Variants in EXOC4 observed in about 807,000 individuals in gnomAD.
EXOC4 encodes SEC8-like 1.
In EXOC4, 71 loss-of-function variants were observed where a neutral mutation model predicts 107.2. The ratio of observed to expected loss-of-function variants is 0.66; its 90% CI spans 0.55 to 0.81. The LOEUF (loss-of-function observed/expected upper bound fraction) is 0.81. Ranked by LOEUF, EXOC4 falls within the 30% of genes least tolerant of loss-of-function variation. The probability of loss-of-function intolerance (pLI) is 0.00; values close to 1 mark genes in which losing one functional copy is unlikely to be tolerated. For missense variants in EXOC4, 1,108 were observed against 1,189.6 expected (o/e 0.93, Z 1.01); for synonymous variants, 456 against 441.2 (o/e 1.03, Z -0.42).
At chr7:134,087,707 G>T in the EXOC4 span, among the ~76,000 whole-genome samples, 1 of 152,110 alleles carries the variant, frequency 6.6e-6, no homozygotes, top group African/African-American at 2.4e-5. Flanking sequence ...ACAGGGATAA[G>T]CAGGATTAGT....
chr7:133,980,626 A>G (rs1289975065), intron 14 of EXOC4, among the ~76,000 whole-genome samples: 1 of 152,270 alleles, frequency 6.6e-6, no homozygotes, highest in East Asian at 1.9e-4. Flanking sequence ...GAATACTCAT[A>G]TCCTTTTACT....
intron 11 of EXOC4, among the ~76,000 whole-genome samples, chr7:133,870,503 A>G (rs1174573799): frequency 3.3e-5 from 5 of 152,202 alleles, no homozygotes; most frequent in Non-Finnish European, 4.4e-5. Flanking sequence ...AGCTTTTTGC[A>G]TAATTGGTTT....
chr7:133,973,970 C>T (rs1282662105), intron 14 of EXOC4, among the ~76,000 whole-genome samples: 2 of 152,158 alleles, frequency 1.3e-5, no homozygotes, highest in Non-Finnish European at 2.9e-5. Context: ...AGGGACGGGG[C>T]CGCAAACTCA....
intron 9 of EXOC4, among the ~76,000 whole-genome samples, chr7:133,492,976 TG>T (rs61589369): frequency 1 from 152,216 of 152,216 alleles, 76,108 homozygotes; most frequent in Non-Finnish European, 1. Flanking sequence ...TTCGGAGTGG[TG>T]GGTCTCTGGA....
intron 9 of EXOC4, among the ~76,000 whole-genome samples, chr7:133,618,065 A>G (rs1410425867): frequency 6.6e-6 from 1 of 152,190 alleles, no homozygotes; most frequent in Non-Finnish European, 1.5e-5. Context: ...CCAGATCAGC[A>G]AAGACTTCCA....
At chr7:133,385,845 A>G (rs941549142) in intron 7 of EXOC4, among the ~76,000 whole-genome samples, 2 of 152,212 alleles carry the variant, frequency 1.3e-5, no homozygotes, top group Non-Finnish European at 2.9e-5. Flanking sequence ...AGAATCCGTG[A>G]TAACTTTCAA....
At chr7:133,462,254 T>C (rs909236509) in intron 7 of EXOC4, among the ~76,000 whole-genome samples, 4 of 152,330 alleles carry the variant, frequency 2.6e-5, no homozygotes, top group Non-Finnish European at 4.4e-5. Flanking sequence ...TTTAGAGATA[T>C]ATGCTACTCA....
intron 10 of EXOC4, among the ~76,000 whole-genome samples, chr7:133,716,558 A>G (rs951295072): frequency 2.0e-4 from 31 of 152,228 alleles, no homozygotes; most frequent in Admixed American, 6.5e-4. Context: ...GTCTCCTGTC[A>G]TGACATATAG....
At position 133,538,729 on chromosome 7, in the gene EXOC4, G is replaced by A. The variant is rs10275821; in HGVS notation, c.1417+58591G>A. On this transcript the variant is annotated intron_variant, in intron 9 of 17. Coordinates refer to ENST00000253861, the MANE Select transcript of EXOC4 (RefSeq NM_021807.4). ...GTCTGTACCCCTAGATAGCCGGGAG[G>A]CTGAGGGAGGAGAATTATTTGACCC... Among the ~76,000 whole-genome samples, 191 of 152,198 alleles carry A rather than the reference G, an allele frequency of 1.3e-3. 1 individual carries two copies. The highest frequency in any genetic ancestry group is 4.4e-3 in the African/African-American group (184 of 41,540).
chr7:133,272,510 C>T (rs1469619324), intron 1 of EXOC4, among the ~76,000 whole-genome samples: 2 of 152,026 alleles, frequency 1.3e-5, no homozygotes, highest in Admixed American at 1.3e-4. Flanking sequence ...ACAGCTGGCT[C>T]CTGGCAGCTA....
chr7:133,729,977 A>G (rs1795292452), intron 10 of EXOC4, among the ~76,000 whole-genome samples: 1 of 151,830 alleles, frequency 6.6e-6, no homozygotes, highest in South Asian at 2.1e-4. Context: ...GACCTTTAGA[A>G]ATTAAATGTT....
intron 17 of EXOC4, among the ~76,000 whole-genome samples, chr7:134,027,045 G>T (rs889859721): frequency 6.6e-6 from 1 of 152,012 alleles, no homozygotes; most frequent in Non-Finnish European, 1.5e-5. Flanking sequence ...TGATTAAGGG[G>T]GGGGATTCAC....
At position 133,919,724 on chromosome 7, in the gene EXOC4, A is replaced by G. The variant is rs146973518; in HGVS notation, c.2027+1986A>G. 2.9e-3 allele frequency among the ~76,000 whole-genome samples: 436 copies of G among 152,072 alleles called. 4 individuals carry two copies. Among genetic ancestry groups the G allele is most frequent in the Admixed American group, 0.015 (231 of 15,280 alleles). Reference sequence around the variant, plus strand: ...TTTTTATTTTGTGGTATTATTGCTCATTTCTTTTTTATCTCTGAATTATGT... The same window carrying G: ...TTTTTATTTTGTGGTATTATTGCTCGTTTCTTTTTTATCTCTGAATTATGT... On this transcript the variant is annotated intron_variant, in intron 13 of 17. Coordinates refer to ENST00000253861, the MANE Select transcript of EXOC4 (RefSeq NM_021807.4).
intron 17 of EXOC4, among the ~76,000 whole-genome samples, chr7:134,038,642 A>G (rs888013755): frequency 6.6e-6 from 1 of 151,704 alleles, no homozygotes; most frequent in Non-Finnish European, 1.5e-5. Context: ...TTTTTATTTT[A>G]CTTCTCCTGT....
At chr7:133,719,188 T>C (rs1351722625) in intron 10 of EXOC4, among the ~76,000 whole-genome samples, 1 of 152,164 alleles carries the variant, frequency 6.6e-6, no homozygotes, top group Non-Finnish European at 1.5e-5. Flanking sequence ...GCACAAACTT[T>C]CTCTCTTTGC....
At chr7:133,685,860 T>C (rs919032746) in intron 10 of EXOC4, among the ~76,000 whole-genome samples, 47 of 152,146 alleles carry the variant, frequency 3.1e-4, no homozygotes, top group African/African-American at 1.1e-3. Flanking sequence ...CCTATTAATT[T>C]CTCATCCCTC....
chr7:133,260,480 G>A (rs1490024605), intron 1 of EXOC4, among the ~76,000 whole-genome samples: 2 of 152,092 alleles, frequency 1.3e-5, no homozygotes, highest in Admixed American at 6.5e-5. Context: ...CACCATGTTG[G>A]TCAGGCTGGT....
chr7:133,823,015 A>T (rs887566625), intron 11 of EXOC4, among the ~76,000 whole-genome samples: 1 of 152,218 alleles, frequency 6.6e-6, no homozygotes, highest in African/African-American at 2.4e-5. Flanking sequence ...CAAGTACAGG[A>T]TGAGCCTACA....
At chr7:133,751,264 A>G (rs571952313) in intron 10 of EXOC4, among the ~76,000 whole-genome samples, 3 of 152,242 alleles carry the variant, frequency 2.0e-5, no homozygotes, top group South Asian at 2.1e-4. Flanking sequence ...AAATGTTACA[A>G]TTAAATCATT....
Sources: gnomAD v4.1 joint callset for allele counts (sites outside exome capture counted in the v4.1 genomes callset) on GRCh38, gnomAD v4.1.1 for gene constraint, MANE v1.5 for transcripts, NCBI Gene and HGNC (gene_info 2026-07-23, HGNC 2026-07-21) for gene names.